The following RETREG1 variants were observed in gnomAD, a reference collection of about 807,000 sequenced individuals.
RETREG1 encodes reticulophagy regulator 1.
In RETREG1, 44 loss-of-function variants were observed where a neutral mutation model predicts 54.8. The ratio of observed to expected loss-of-function variants is 0.80; its 90% CI spans 0.63 to 1.03. The LOEUF is 1.03. Ranked by LOEUF, RETREG1 falls within the 50% of genes least tolerant of loss-of-function variation. The pLI is 0.00. For missense variants in RETREG1, 554 were observed against 605.1 expected, an observed-to-expected ratio of 0.92 and a Z score of 0.89; for synonymous variants, 217 against 238.5, an observed-to-expected ratio of 0.91 and a Z score of 0.83.
intron 4 of RETREG1, 124 bp downstream of exon 4, chr5:16,483,222 G>T: frequency 1.8e-6 from 2 of 1,112,880 alleles, no homozygotes; most frequent in Non-Finnish European, 2.7e-6. Context: ...AGCTTTTATG[G>T]CATATGTTCT....
At chr5:16,609,576 C>T (rs1743283615) in intron 1 of RETREG1, among the ~76,000 whole-genome samples, 1 of 152,140 alleles carries the variant, frequency 6.6e-6, no homozygotes, top group Non-Finnish European at 1.5e-5. Context: ...GAGTATGCAG[C>T]GGCCAGGCCA....
intron 1 of RETREG1, among the ~76,000 whole-genome samples, chr5:16,596,687 G>T (rs1742901022): frequency 6.6e-6 from 1 of 152,060 alleles, no homozygotes; most frequent in East Asian, 1.9e-4. Flanking sequence ...ACCCTCCAGG[G>T]CAAAACTCAG....
At chr5:16,478,209 T>C (rs1561077894) in intron 6 of RETREG1, 111 bp from the exon 7 acceptor site, 4 of 692,946 alleles carry the variant, frequency 5.8e-6, no homozygotes, top group East Asian at 2.7e-5. Context: ...CAAATACAAA[T>C]ATATATTTCT....
Position 16,519,998 on chromosome 5 carries a change from C to T in RETREG1, c.459-36526G>A, listed in dbSNP as rs1038296780. Among the ~76,000 whole-genome samples, 7 of 152,254 alleles carry T rather than the reference C, an allele frequency of 4.6e-5. No individual in the cohort carries two copies. In the East Asian group the frequency reaches 1.2e-3, roughly 25 times the overall value. On this transcript the variant is annotated intron_variant, in intron 3 of 8. Transcript: ENST00000306320. ...GTCCGTGCCACCCCTACCGCCTGAC[C>T]CTGTTATGGGTTGGACTGTGCCTCC... is the stretch of plus-strand genomic sequence containing the variant.
intron 3 of RETREG1, among the ~76,000 whole-genome samples, chr5:16,498,836 T>C (rs527287140): frequency 6.6e-6 from 1 of 152,382 alleles, no homozygotes; most frequent in Non-Finnish European, 1.5e-5. Flanking sequence ...AGGACATTAC[T>C]GTGCACTACT....
At chr5:16,511,886 C>T (rs536152173) in intron 3 of RETREG1, among the ~76,000 whole-genome samples, 1 of 152,128 alleles carries the variant, frequency 6.6e-6, no homozygotes, top group African/African-American at 2.4e-5. Context: ...CATGAGAACT[C>T]CACCCCCATG....
chr5:16,518,585 C>A lies in RETREG1; in HGVS notation c.459-35113G>T, dbSNP rs117342391. Among the ~76,000 whole-genome samples, 6 of 152,092 alleles carry A rather than the reference C, an allele frequency of 3.9e-5. No individual in the cohort carries two copies. The East Asian group carries it at 1.2e-3, about 29-fold the overall frequency. ...TAAAATATAAAAAGAAAAAAGATTACTTTTAAATGAAAAGGGGGTTGTAAG... is the reference window on the plus strand; with the variant it reads ...TAAAATATAAAAAGAAAAAAGATTAATTTTAAATGAAAAGGGGGTTGTAAG... On this transcript the variant is annotated intron_variant, in intron 3 of 8. Coordinates refer to ENST00000306320, the MANE Select transcript of RETREG1 (RefSeq NM_001034850.3).
intron 3 of RETREG1, among the ~76,000 whole-genome samples, chr5:16,483,857 A>G (rs1051059424): frequency 4.7e-4 from 72 of 152,196 alleles, no homozygotes; most frequent in Admixed American, 9.8e-4. Flanking sequence ...GTGCTATCCT[A>G]TTGAGTCTCA....
intron 1 of RETREG1, among the ~76,000 whole-genome samples, chr5:16,590,793 AACAC>A (rs145771327): frequency 0.063 from 9,546 of 152,020 alleles, 316 homozygotes; most frequent in African/African-American, 0.095. Context: ...CACACACACA[AACAC>A]ACACAAAAAA....
chr5:16,474,705 G>GTGTTTTT lies in RETREG1; in HGVS notation c.*29_*35dup. On this transcript the variant is annotated 3_prime_UTR_variant, in exon 9 of 9. Transcript: ENST00000306320. Reference sequence around the variant, plus strand: ...TTTTTTCTTGTTTGAAATTTTTTTGGTGTTTTTTGTGCTCTGTTGCAAGCT... The same window carrying GTGTTTTT: ...TTTTTTCTTGTTTGAAATTTTTTTGGTGTTTTTTGTTTTTTGTGCTCTGTTGCAAGCT... The GTGTTTTT allele has an allele frequency of 6.9e-7, 1 of 1,453,212 alleles. No individual in the cohort carries two copies. The highest frequency in any genetic ancestry group is 1.6e-5 in the South Asian group (1 of 64,130). The allele number at this position is 1,453,212 out of a possible 1,614,324, so 90.0% of individuals were successfully genotyped here. A position where few individuals can be genotyped will look rare whatever the true frequency, so the allele number is the denominator to read the frequency against.
intron 3 of RETREG1, among the ~76,000 whole-genome samples, chr5:16,485,772 G>T (rs1738990020): frequency 6.6e-6 from 1 of 151,992 alleles, no homozygotes; most frequent in Admixed American, 6.6e-5. Flanking sequence ...TTTCCACAGG[G>T]GACTTCAAGT....
intron 3 of RETREG1, among the ~76,000 whole-genome samples, chr5:16,522,664 C>T (rs1205023643): frequency 6.6e-6 from 1 of 152,170 alleles, no homozygotes; most frequent in African/African-American, 2.4e-5. Context: ...CCAGCCCCCT[C>T]TTCTATGGAC....
In RETREG1 at chr5:16,479,867, T is replaced by C. The variant is rs75256890; in HGVS notation, c.671-880A>G. On this transcript the variant is annotated intron_variant, in intron 5 of 8. Transcript: ENST00000306320. Reference sequence around the variant, plus strand: ...CCATTGTAAGAAAAATTGGAAAATATGGGGGTATGTTAAGTGGAGAGTGCC... The same window carrying C: ...CCATTGTAAGAAAAATTGGAAAATACGGGGGTATGTTAAGTGGAGAGTGCC... Among the ~76,000 whole-genome samples, 233 of 152,166 alleles carry C rather than the reference T, an allele frequency of 1.5e-3. 3 individuals are homozygous for C. In the East Asian group the frequency reaches 0.036, roughly 24 times the overall value.
rs545964136 is a variant in RETREG1, at chr5:16,581,889, T to C, written c.321-9787A>G. Among the ~76,000 whole-genome samples, 7 of 152,356 alleles carry C rather than the reference T, an allele frequency of 4.6e-5. No homozygotes were observed. The South Asian group carries it at 1.4e-3, about 32-fold the overall frequency. ...AGGGTACCTGTGCAGGATGTGCAGG[T>C]TTGTTACATAGGTAAACATGTGCCA... is the stretch of plus-strand genomic sequence containing the variant. On this transcript the variant is annotated intron_variant, in intron 1 of 8. Transcript: ENST00000306320.
At chr5:16,568,786 G>A (rs1192992368) in intron 2 of RETREG1, among the ~76,000 whole-genome samples, 1 of 152,070 alleles carries the variant, frequency 6.6e-6, no homozygotes, top group Non-Finnish European at 1.5e-5. Flanking sequence ...ACAACAACAT[G>A]CACGGGAAAC....
chr5:16,537,548 A>C (rs189412269), intron 3 of RETREG1, among the ~76,000 whole-genome samples: 60 of 152,326 alleles, frequency 3.9e-4, no homozygotes, highest in African/African-American at 1.4e-3. Context: ...AAATACAAAA[A>C]TTAGCTGGGT....
chr5:16,603,275 T>G (rs248914), intron 1 of RETREG1, among the ~76,000 whole-genome samples: 2 of 152,128 alleles, frequency 1.3e-5, no homozygotes, highest in African/African-American at 2.4e-5. Context: ...TTTCATTTTT[T>G]TCTTTGACCC....
At chr5:16,537,312 C>T (rs543143906) in intron 3 of RETREG1, among the ~76,000 whole-genome samples, 1 of 152,326 alleles carries the variant, frequency 6.6e-6, no homozygotes, top group South Asian at 2.1e-4. Flanking sequence ...AAACCGCAGG[C>T]GTGAGGCTCA....
intron 3 of RETREG1, among the ~76,000 whole-genome samples, chr5:16,554,299 T>C (rs1327417266): frequency 6.6e-6 from 1 of 152,198 alleles, no homozygotes; most frequent in Non-Finnish European, 1.5e-5. Flanking sequence ...CTCTGGACTT[T>C]GTCCCTGACC....
Sources: allele counts gnomAD v4.1 joint callset (sites outside exome capture counted in the v4.1 genomes callset), GRCh38; gene constraint gnomAD v4.1.1; transcripts MANE v1.5; gene names NCBI Gene and HGNC (gene_info 2026-07-23, HGNC 2026-07-21).